The following RBFOX1 variants were observed in gnomAD, a reference collection of about 807,000 sequenced individuals.
RBFOX1 encodes RNA binding fox-1 homolog 1.
RBFOX1 carries 8 observed loss-of-function variants against 57.7 expected under a neutral mutation model. The observed-to-expected ratio is 0.14, with a 90% confidence interval of 0.08 to 0.25. The LOEUF (loss-of-function observed/expected upper bound fraction) is 0.25. Among genes scored for constraint, RBFOX1 ranks in the 10% least tolerant of loss-of-function variants. The pLI is 1.00. For synonymous variants in RBFOX1, 326 were observed against 222.4 expected (o/e 1.47, Z -4.15); for missense variants, 611 against 548.5 (o/e 1.11, Z -1.14).
At chr16:7,529,092 C>T (rs556681285) in intron 5 of RBFOX1, among the ~76,000 whole-genome samples, 10 of 152,166 alleles carry the variant, frequency 6.6e-5, no homozygotes, top group East Asian at 3.9e-4. Flanking sequence ...AACCCTGTCT[C>T]GACACAAAAA....
At chr16:7,550,620 C>T (rs141101484) in intron 5 of RBFOX1, among the ~76,000 whole-genome samples, 5 of 152,192 alleles carry the variant, frequency 3.3e-5, no homozygotes, top group Admixed American at 6.5e-5. Context: ...ATTTTTAATT[C>T]GGACCTCATT....
intron 10 of RBFOX1, among the ~76,000 whole-genome samples, chr16:7,624,741 C>G (rs1424497839): frequency 6.6e-6 from 1 of 152,146 alleles, no homozygotes; most frequent in Non-Finnish European, 1.5e-5. Flanking sequence ...CTTTCCTCGG[C>G]TGAGTGACAT....
chr16:6,421,646 C>T (rs1543887), intron 2 of RBFOX1, among the ~76,000 whole-genome samples: 1 of 152,014 alleles, frequency 6.6e-6, no homozygotes, highest in African/African-American at 2.4e-5. Context: ...ACGAATGACA[C>T]TGGCACAGAA....
intron 3 of RBFOX1, among the ~76,000 whole-genome samples, chr16:6,775,329 CAAA>C (rs371277644): frequency 0.13 from 8,493 of 66,684 alleles, 365 homozygotes; most frequent in African/African-American, 0.29. Flanking sequence ...GACTCTGTCT[CAAA>C]AAAAAAAAAA....
chr16:5,874,724 C>T (rs1369820), intron 4 of RBFOX1, among the ~76,000 whole-genome samples: 1 of 151,858 alleles, frequency 6.6e-6, no homozygotes, highest in Non-Finnish European at 1.5e-5. Context: ...ACAGGAAAAT[C>T]ACTTGAACCA....
chr16:7,707,186 G>A (rs533124577), intron 14 of RBFOX1, among the ~76,000 whole-genome samples: 1 of 152,264 alleles, frequency 6.6e-6, no homozygotes, highest in South Asian at 2.1e-4. Flanking sequence ...CTTTGACACA[G>A]GCAGATGGGC....
intron 3 of RBFOX1, among the ~76,000 whole-genome samples, chr16:5,817,178 CTGTGTGTGTGTGTT>C (rs1406934006): frequency 1.3e-5 from 2 of 152,120 alleles, no homozygotes; most frequent in East Asian, 1.9e-4. Flanking sequence ...CTCTATCTCT[CTGTGTGTGTGTGTT>C]TGTGTGTGTG....
chr16:7,488,646 G>A (rs75057384), intron 4 of RBFOX1, among the ~76,000 whole-genome samples: 2 of 152,000 alleles, frequency 1.3e-5, no homozygotes, highest in Non-Finnish European at 2.9e-5. Flanking sequence ...CACTCTATTT[G>A]TCTGTACGTA....
chr16:5,316,578 G>A (rs1375321178), intron 1 of RBFOX1, among the ~76,000 whole-genome samples: 3 of 152,202 alleles, frequency 2.0e-5, no homozygotes, highest in Admixed American at 6.5e-5. Context: ...ACTTAGCCAC[G>A]TTGCTGAGCC....
intron 4 of RBFOX1, among the ~76,000 whole-genome samples, chr16:7,417,522 A>G (rs2098493394): frequency 1.2e-5 from 1 of 80,676 alleles, no homozygotes. Flanking sequence ...CCAGCTTCAC[A>G]TGGTATTGTG....
intron 2 of RBFOX1, among the ~76,000 whole-genome samples, chr16:6,650,398 C>A (rs553494299): frequency 2.0e-5 from 3 of 151,976 alleles, no homozygotes; most frequent in Non-Finnish European, 4.4e-5. Context: ...ATAAAATTAC[C>A]TGGAGGAAAG....
chr16:5,564,062 G>A (rs1321489413), intron 2 of RBFOX1, among the ~76,000 whole-genome samples: 1 of 152,114 alleles, frequency 6.6e-6, no homozygotes, highest in Non-Finnish European at 1.5e-5. Flanking sequence ...CACCCAGGCT[G>A]GAGTGCAGTG....
intron 1 of RBFOX1, among the ~76,000 whole-genome samples, chr16:6,158,152 G>A (rs930987580): frequency 6.6e-6 from 1 of 152,114 alleles, no homozygotes; most frequent in African/African-American, 2.4e-5. Flanking sequence ...CAATAATGAT[G>A]TCCACTTTAG....
intron 5 of RBFOX1, among the ~76,000 whole-genome samples, chr16:7,549,293 G>A (rs1055403428): frequency 6.6e-6 from 1 of 152,186 alleles, no homozygotes; most frequent in African/African-American, 2.4e-5. Flanking sequence ...CTGTGAATAA[G>A]CAAAGAAGTG....
At chr16:6,015,723 TTTATC>T (rs1443526831), upstream of RBFOX1, among the ~76,000 whole-genome samples, 3 of 152,242 alleles carry the variant, frequency 2.0e-5, no homozygotes, top group African/African-American at 7.2e-5. Context: ...GGAATTCCTA[TTTATC>T]TTCTCTATTT....
chr16:7,672,147 G>T (rs1265749826), intron 13 of RBFOX1, among the ~76,000 whole-genome samples: 1 of 152,182 alleles, frequency 6.6e-6, no homozygotes, highest in Admixed American at 6.5e-5. Context: ...TTTATTTCAA[G>T]CCTGTTGTTA....
chr16:6,366,819 G>A (rs770375048), intron 2 of RBFOX1, among the ~76,000 whole-genome samples: 88 of 152,266 alleles, frequency 5.8e-4, no homozygotes, highest in Non-Finnish European at 9.0e-4. Flanking sequence ...GTCTTTTGGT[G>A]TCAGGAATCT....
chr16:6,813,171 G>A (rs1250175996), intron 3 of RBFOX1, among the ~76,000 whole-genome samples: 3 of 151,480 alleles, frequency 2.0e-5, no homozygotes, highest in Admixed American at 2.0e-4. Flanking sequence ...AGGCCACAAT[G>A]ACTTCCTATA....
chr16:6,009,802 A>G (rs58419289), intron 4 of RBFOX1, among the ~76,000 whole-genome samples: 31 of 58,550 alleles, frequency 5.3e-4, no homozygotes, highest in African/African-American at 2.5e-3. Flanking sequence ...CAGTGTGTGT[A>G]TGTGTGTGTG....
Sources: allele counts gnomAD v4.1 joint callset (sites outside exome capture counted in the v4.1 genomes callset), GRCh38; gene constraint gnomAD v4.1.1; transcripts MANE v1.5; gene names NCBI Gene and HGNC (gene_info 2026-07-23, HGNC 2026-07-21).